AAK1: variants seen among roughly 807,000 people sequenced by gnomAD.
The protein encoded by AAK1 is AP2-associated protein kinase 1.
AAK1 carries 37 observed loss-of-function variants against 116.0 expected under a neutral mutation model. That is an observed-to-expected ratio of 0.32 (90% CI 0.25 to 0.42). AAK1 has a LOEUF of 0.42. AAK1 is among the 10% of genes least tolerant of loss of function. AAK1 has a pLI of 1.00. For synonymous variants in AAK1, 458 were observed against 439.9 expected, an observed-to-expected ratio of 1.04 and a Z score of -0.51; for missense variants, 919 against 1,170.6, an observed-to-expected ratio of 0.79 and a Z score of 3.14.
At chr2:69,584,013 A>T (rs527707769) in intron 2 of AAK1, among the ~76,000 whole-genome samples, 1 of 152,264 alleles carries the variant, frequency 6.6e-6, no homozygotes, top group South Asian at 2.1e-4. Flanking sequence ...CTTCCCTAAT[A>T]AGGAACCTCT....
rs987331929 is a variant in AAK1 at position 69,492,518 on chromosome 2, C to CTTTTTTTTTT, written c.2365+3457_2365+3466dup. 7.0e-4 allele frequency among the ~76,000 whole-genome samples: 58 copies of CTTTTTTTTTT among 83,402 alleles called. 6 individuals carry two copies. The highest frequency in any genetic ancestry group is 2.6e-3 in the African/African-American group (50 of 18,936). The allele number at this position is 83,402 out of a possible 152,430, so 54.7% of individuals were successfully genotyped here. On this transcript the variant is annotated intron_variant, in intron 17 of 21. Coordinates refer to ENST00000409085, the MANE Select transcript of AAK1 (RefSeq NM_014911.5). ...CGTGAGCCACCGTGCCTGGCCAATTCTTTTTTTTTTTTTTTTTTTTTTGAG... is the reference window on the plus strand; with the variant it reads ...CGTGAGCCACCGTGCCTGGCCAATTCTTTTTTTTTTTTTTTTTTTTTTTTTTTTTTTTGAG...
intron 16 of AAK1, among the ~76,000 whole-genome samples, chr2:69,502,342 C>A (rs905580342): frequency 6.6e-6 from 1 of 152,146 alleles, no homozygotes; most frequent in African/African-American, 2.4e-5. Context: ...GGTTCTCTGG[C>A]TGGGTGCGGT....
chr2:69,527,339 TTATTTAA>T lies in AAK1; in HGVS notation c.872-27_872-21del. The T allele has an allele frequency of 6.8e-7, 1 of 1,464,254 alleles. No individual in the cohort carries two copies. The highest frequency in any genetic ancestry group is 1.2e-5 in the South Asian group (1 of 84,002). 90.7% of individuals were successfully genotyped at this position (1,464,254 alleles called of 1,614,324 possible). On this transcript the variant is annotated intron_variant, in intron 8 of 21. Transcript: ENST00000409085. ...TATACCCTAAGGCAAACATGTGAATTTATTTAATAATATTCCAACAGTTATTACACTA... is the reference window on the plus strand; with the variant it reads ...TATACCCTAAGGCAAACATGTGAATTTAATATTCCAACAGTTATTACACTA...
Position 69,525,121 on chromosome 2 carries a change from T to C in AAK1, c.976-9A>G, listed in dbSNP as rs766644628. ...GCAGGAATGGGAGAGTTCTATAGAA[T>C]TGCAAACAAAACAGAACAAAACAAA... On this transcript the variant is annotated splice_polypyrimidine_tract_variant and intron_variant, in intron 9 of 21. Coordinates refer to ENST00000409085, the MANE Select transcript of AAK1 (RefSeq NM_014911.5). 1.2e-6 allele frequency: 2 copies of C among 1,613,382 alleles called. No individual in the cohort carries two copies. The highest frequency in any genetic ancestry group is 1.7e-6 in the Non-Finnish European group (2 of 1,179,456).
chr2:69,459,729 T>A lies in AAK1; in HGVS notation c.*16140A>T, dbSNP rs933919976. 6.6e-6 allele frequency: 1 copy of A among 152,190 alleles called. No individual in the cohort carries two copies. The highest frequency in any genetic ancestry group is 2.4e-5 in the African/African-American group (1 of 41,436). 9.4% of individuals were successfully genotyped at this position (152,190 alleles called of 1,614,324 possible). ...AATAGGGGAATGTTAAGTAAGGAAA[T>A]GAAGTGGGAACAGGAACAAGGGAGC... On this transcript the variant is annotated 3_prime_UTR_variant, in exon 22 of 22. Coordinates refer to ENST00000409085, the MANE Select transcript of AAK1 (RefSeq NM_014911.5).
chr2:69,542,111 A>G lies in AAK1; in HGVS notation c.534+412T>C, dbSNP rs538511978. Among the ~76,000 whole-genome samples the G allele has an allele frequency of 1.6e-4, 24 of 152,376 alleles. No homozygotes were observed. The South Asian group carries it at 4.6e-3, about 29-fold the overall frequency. On this transcript the variant is annotated intron_variant, in intron 5 of 21. Coordinates refer to ENST00000409085, the MANE Select transcript of AAK1 (RefSeq NM_014911.5). ...GTCAAGTGACTACAATATGAAAGGCACAGTGCAAGGTGATGGCAATTAGGA... is the reference window on the plus strand; with the variant it reads ...GTCAAGTGACTACAATATGAAAGGCGCAGTGCAAGGTGATGGCAATTAGGA...
Position 69,471,396 on chromosome 2 carries a change from C to T in AAK1, c.*4473G>A, listed in dbSNP as rs1217484309. ...AGCACATCCAACTTCAGAAACATTA[C>T]TAATGTGGAAAAAGAAAAGGCTGAC... On this transcript the variant is annotated 3_prime_UTR_variant, in exon 22 of 22. Transcript: ENST00000409085. 1 of 985,268 alleles carries T rather than the reference C, an allele frequency of 1.0e-6. No individual in the cohort carries two copies. The highest frequency in any genetic ancestry group is 1.1e-4 in the East Asian group (1 of 8,836). 61.0% of individuals were successfully genotyped at this position (985,268 alleles called of 1,614,324 possible). A position where few individuals can be genotyped will look rare whatever the true frequency, so the allele number is the denominator to read the frequency against.
At chr2:69,601,393 G>A (rs1218086933) in intron 2 of AAK1, among the ~76,000 whole-genome samples, 1 of 152,228 alleles carries the variant, frequency 6.6e-6, no homozygotes, top group Non-Finnish European at 1.5e-5. Context: ...CTTGTTTATA[G>A]GTGATTCAGC....
chr2:69,497,921 T>C (rs556155153), intron 16 of AAK1, among the ~76,000 whole-genome samples: 1 of 152,236 alleles, frequency 6.6e-6, no homozygotes, highest in African/African-American at 2.4e-5. Flanking sequence ...TATTTGTGCA[T>C]GTGTCTACTG....
intron 2 of AAK1, among the ~76,000 whole-genome samples, chr2:69,583,728 G>C (rs577004837): frequency 6.6e-6 from 1 of 152,218 alleles, no homozygotes; most frequent in Non-Finnish European, 1.5e-5. Flanking sequence ...TTTTTCATCT[G>C]ATTCTTGGCC....
chr2:69,511,673 G>A (rs978787010), intron 13 of AAK1, among the ~76,000 whole-genome samples: 7 of 152,314 alleles, frequency 4.6e-5, no homozygotes, highest in African/African-American at 1.7e-4. Context: ...ACTCTATTCT[G>A]AGATGAAGGA....
chr2:69,591,080 T>G (rs1201936280), intron 2 of AAK1, among the ~76,000 whole-genome samples: 2 of 152,240 alleles, frequency 1.3e-5, no homozygotes, highest in Non-Finnish European at 2.9e-5. Flanking sequence ...CCATATTGTA[T>G]GGAGCATTTA....
intron 16 of AAK1, among the ~76,000 whole-genome samples, 193 bp from the exon 17 acceptor site, chr2:69,496,273 GT>G (rs1182573863): frequency 7.2e-4 from 99 of 136,574 alleles, no homozygotes; most frequent in Middle Eastern, 3.7e-3. Context: ...AATCTGGCCC[GT>G]TTTTTTTTTT....
At chr2:69,631,549 A>T (rs1675174851) in intron 2 of AAK1, among the ~76,000 whole-genome samples, 1 of 152,200 alleles carries the variant, frequency 6.6e-6, no homozygotes, top group East Asian at 1.9e-4. Flanking sequence ...CCAAGGAGAA[A>T]ACTGACCAGC....
intron 2 of AAK1, among the ~76,000 whole-genome samples, chr2:69,636,856 C>T (rs956258044): frequency 2.6e-5 from 4 of 152,058 alleles, no homozygotes; most frequent in African/African-American, 4.8e-5. Flanking sequence ...GCCGCCACCA[C>T]GCCCGGCTAA....
intron 2 of AAK1, among the ~76,000 whole-genome samples, chr2:69,587,470 T>G (rs761638014): frequency 1.4e-5 from 2 of 146,064 alleles, no homozygotes; most frequent in Non-Finnish European, 3.0e-5. Flanking sequence ...TGTATATATA[T>G]ATATATATTT....
intron 18 of AAK1, 40 bp downstream of exon 18, chr2:69,482,671 A>G (rs774727388): frequency 2.0e-6 from 3 of 1,496,100 alleles, no homozygotes; most frequent in Middle Eastern, 1.7e-4. Flanking sequence ...ACAGGCACAC[A>G]TATCATGCAT....
intron 5 of AAK1, among the ~76,000 whole-genome samples, chr2:69,533,580 A>G (rs1420180410): frequency 6.6e-6 from 1 of 152,156 alleles, no homozygotes; most frequent in African/African-American, 2.4e-5. Context: ...TCTTACTCCT[A>G]CTAAACCTTG....
intron 2 of AAK1, among the ~76,000 whole-genome samples, chr2:69,563,169 A>G (rs947799431): frequency 5.9e-5 from 9 of 152,208 alleles, no homozygotes; most frequent in Non-Finnish European, 8.8e-5. Context: ...CAAGTAGTAT[A>G]TCTTCTGGCT....
Sources: gnomAD v4.1 joint callset for allele counts (sites outside exome capture counted in the v4.1 genomes callset) on GRCh38, gnomAD v4.1.1 for gene constraint, MANE v1.5 for transcripts, NCBI Gene and HGNC (gene_info 2026-07-23, HGNC 2026-07-21) for gene names.